The following RABGEF1 variants were observed in gnomAD, a reference collection of about 807,000 sequenced individuals.
RABGEF1 encodes the protein rab5 GDP/GTP exchange factor.
In RABGEF1, 26 loss-of-function variants were observed where a neutral mutation model predicts 57.3. The observed-to-expected ratio is 0.45, with a 90% CI of 0.33 to 0.63. The LOEUF (loss-of-function observed/expected upper bound fraction) is 0.63. Among genes scored for constraint, RABGEF1 ranks in the 20% least tolerant of loss-of-function variants. The pLI is 0.02. For synonymous variants in RABGEF1, 185 were observed against 210.7 expected, an observed-to-expected ratio of 0.88 and a Z score of 1.06; for missense variants, 464 against 607.6, an observed-to-expected ratio of 0.76 and a Z score of 2.48.
chr7:66,743,714 G>A (rs1799538220), intron 1 of RABGEF1, among the ~76,000 whole-genome samples: 1 of 152,090 alleles, frequency 6.6e-6, no homozygotes, highest in Admixed American at 6.5e-5. Flanking sequence ...TGTCAGCCAG[G>A]ATGGTCTCAA....
intron 2 of RABGEF1, among the ~76,000 whole-genome samples, chr7:66,734,165 T>C (rs995918255): frequency 1.3e-5 from 2 of 152,174 alleles, no homozygotes; most frequent in African/African-American, 4.8e-5. Context: ...TTAGACGCAT[T>C]GTCAGGCAGG....
intron 1 of RABGEF1, among the ~76,000 whole-genome samples, chr7:66,704,750 G>A (rs185096966): frequency 2.3e-4 from 35 of 151,894 alleles, no homozygotes; most frequent in South Asian, 6.2e-4. Context: ...GGCGGAGTTT[G>A]CAGTGAGCCG....
chr7:66,675,438 AG>A, the RABGEF1 span, among the ~76,000 whole-genome samples: 1 of 151,884 alleles, frequency 6.6e-6, no homozygotes, highest in Non-Finnish European at 1.5e-5. Context: ...CTCAAAAAAA[AG>A]AAACAAACAA....
chr7:66,657,477 GAAGTTA>G, the RABGEF1 span, among the ~76,000 whole-genome samples: 1 of 152,208 alleles, frequency 6.6e-6, no homozygotes, highest in East Asian at 1.9e-4. Context: ...CTTATGGGAT[GAAGTTA>G]AAGCAGCGTT....
chr7:66,697,881 G>A (rs548107850), intron 1 of RABGEF1, among the ~76,000 whole-genome samples: 12 of 152,108 alleles, frequency 7.9e-5, no homozygotes, highest in Non-Finnish European at 1.6e-4. Context: ...CCAGGAGTCC[G>A]AGAGCAAGTG....
the RABGEF1 span, among the ~76,000 whole-genome samples, chr7:66,661,319 G>T: frequency 8.9e-5 from 6 of 67,198 alleles, no homozygotes; most frequent in East Asian, 7.9e-4. Flanking sequence ...AAAAAAAAAT[G>T]AGGGCGTTAC....
chr7:66,723,125 C>T (rs571574406), intron 2 of RABGEF1, among the ~76,000 whole-genome samples: 12 of 152,156 alleles, frequency 7.9e-5, no homozygotes, highest in African/African-American at 1.4e-4. Context: ...AGCGCTGCCA[C>T]GCCCGGCTAG....
chr7:66,752,521 G>A (rs12531402), intron 1 of RABGEF1, among the ~76,000 whole-genome samples: 1 of 150,900 alleles, frequency 6.6e-6, no homozygotes, highest in South Asian at 2.1e-4. Flanking sequence ...CTTGATTTTT[G>A]TCTCTTCCAA....
At chr7:66,700,427 C>G (rs1193520405) in intron 1 of RABGEF1, among the ~76,000 whole-genome samples, 3 of 150,042 alleles carry the variant, frequency 2.0e-5, no homozygotes, top group African/African-American at 7.3e-5. Flanking sequence ...CAGGTCAGAT[C>G]CTGGGAAAAG....
At chr7:66,800,616 T>C (rs150589857) in intron 7 of RABGEF1, among the ~76,000 whole-genome samples, 4 of 152,308 alleles carry the variant, frequency 2.6e-5, no homozygotes, top group African/African-American at 9.6e-5. Flanking sequence ...CCATAAGAGG[T>C]TGAAGGTGGA....
intron 1 of RABGEF1, among the ~76,000 whole-genome samples, chr7:66,759,252 G>C (rs1803596627): frequency 6.6e-6 from 1 of 152,188 alleles, no homozygotes; most frequent in Non-Finnish European, 1.5e-5. Flanking sequence ...GCTATGGTTT[G>C]TTACAGTGAG....
chr7:66,793,310 A>C (rs1206168332), intron 4 of RABGEF1, among the ~76,000 whole-genome samples: 2 of 152,240 alleles, frequency 1.3e-5, no homozygotes, highest in African/African-American at 4.8e-5. Context: ...TATATGCCTT[A>C]CATACATAGC....
intron 1 of RABGEF1, among the ~76,000 whole-genome samples, chr7:66,701,398 A>C (rs538365792): frequency 1.3e-5 from 2 of 151,718 alleles, no homozygotes; most frequent in Non-Finnish European, 2.9e-5. Flanking sequence ...GCTACTAGGG[A>C]GGCTGAGATG....
chr7:66,755,685 G>A (rs1426958014), intron 1 of RABGEF1, among the ~76,000 whole-genome samples: 1 of 152,144 alleles, frequency 6.6e-6, no homozygotes. Flanking sequence ...AGATTATCTT[G>A]TATGTAATTT....
chr7:66,688,938 C>CA (rs1791112772), intron 1 of RABGEF1, among the ~76,000 whole-genome samples: 1 of 151,922 alleles, frequency 6.6e-6, no homozygotes. Flanking sequence ...ACTAAAAATA[C>CA]AAAAATTAGC....
intron 8 of RABGEF1, among the ~76,000 whole-genome samples, chr7:66,807,290 A>G (rs962439447): frequency 5.9e-5 from 9 of 152,178 alleles, no homozygotes; most frequent in African/African-American, 2.2e-4. Flanking sequence ...GCAAAAGTAA[A>G]AAGTTTCCAG....
chr7:66,685,496 AAAAAG>A (rs1462314916), intron 1 of RABGEF1, among the ~76,000 whole-genome samples: 1 of 152,182 alleles, frequency 6.6e-6, no homozygotes, highest in East Asian at 1.9e-4. Context: ...CTCTACAAAA[AAAAAG>A]AAAAGATTCT....
chr7:66,796,673 A>G, intron 5 of RABGEF1: 1 of 271,610 alleles, frequency 3.7e-6, no homozygotes, highest in South Asian at 3.0e-5. Flanking sequence ...GCTCACTGCA[A>G]CTCTGCCTCC....
chr7:66,706,903 TC>T (rs746200358), intron 1 of RABGEF1, among the ~76,000 whole-genome samples: 16 of 147,210 alleles, frequency 1.1e-4, no homozygotes, highest in Non-Finnish European at 2.2e-4. Flanking sequence ...TGCCTCAGCC[TC>T]CCGAGTAGCT....
Sources: gnomAD v4.1 joint callset for allele counts (sites outside exome capture counted in the v4.1 genomes callset) on GRCh38, gnomAD v4.1.1 for gene constraint, MANE v1.5 for transcripts, NCBI Gene and HGNC (gene_info 2026-07-23, HGNC 2026-07-21) for gene names.